The following EIF5B variants were observed in gnomAD, a reference collection of about 807,000 sequenced individuals.
EIF5B encodes eukaryotic translation initiation factor 5B.
EIF5B carries 47 observed loss-of-function variants against 147.5 expected under a neutral mutation model. The observed-to-expected ratio is 0.32, with a 90% CI of 0.25 to 0.41. The LOEUF is 0.41. EIF5B is among the 10% of genes least tolerant of loss of function. The probability of loss-of-function intolerance (pLI) is 1.00; values close to 1 mark genes in which losing one functional copy is unlikely to be tolerated. For missense variants in EIF5B, 1,064 were observed against 1,413.2 expected (o/e 0.75, Z 3.96); for synonymous variants, 455 against 456.2 (o/e 1.00, Z 0.03).
At chr2:99,342,130 A>G (rs367734505) in intron 1 of EIF5B, among the ~76,000 whole-genome samples, 22 of 152,328 alleles carry the variant, frequency 1.4e-4, no homozygotes, top group Middle Eastern at 3.4e-3. Flanking sequence ...TCGTTCATGT[A>G]TGTCTTACAG....
intron 1 of EIF5B, among the ~76,000 whole-genome samples, chr2:99,341,007 T>C (rs1232895336): frequency 6.6e-6 from 1 of 152,140 alleles, no homozygotes; most frequent in Non-Finnish European, 1.5e-5. Flanking sequence ...CAAGTGATCC[T>C]CCCACCCTGG....
At position 99,393,054 on chromosome 2, in the gene EIF5B, C is replaced by T; in HGVS notation, c.2836C>T (p.Pro946Ser). ...CCTGGAGAAAACATTGGCTGGTTTA[C>T]CCCTCCTTGTGGCTTATAAAGAAGA... ...KDLEKTLAGL[P>S]LLVAYKEDEI... Residue 946 changes from proline (P) to serine (S), a missense_variant, in exon 18 of 24, where the codon CCC becomes TCC. Transcript: ENST00000289371. 6.3e-7 allele frequency: 1 copy of T among 1,585,930 alleles called. No individual in the cohort carries two copies. Among genetic ancestry groups the T allele is most frequent in the Non-Finnish European group, 8.6e-7 (1 of 1,166,504 alleles).
At chr2:99,376,868 T>C (rs1428060852) in intron 10 of EIF5B, among the ~76,000 whole-genome samples, 9 of 152,190 alleles carry the variant, frequency 5.9e-5, no homozygotes, top group African/African-American at 1.7e-4. Flanking sequence ...ATTTTTTTCT[T>C]GTTTTCTCCA....
At chr2:99,383,042 GCTTCACAGATAT>G (rs1674725172) in intron 14 of EIF5B, 121 bp downstream of exon 14, 8 of 1,092,774 alleles carry the variant, frequency 7.3e-6, no homozygotes, top group Non-Finnish European at 9.9e-6. Context: ...ACTATATTGT[GCTTCACAGATAT>G]TGTGTGTGTG....
chr2:99,394,109 T>G (rs1277881663), intron 18 of EIF5B, among the ~76,000 whole-genome samples, 158 bp from the exon 19 acceptor site: 2 of 152,230 alleles, frequency 1.3e-5, no homozygotes, highest in Non-Finnish European at 2.9e-5. Context: ...AATCTCCTCC[T>G]TCATTCCAGC....
In EIF5B at chr2:99,337,504, C is replaced by A; in HGVS notation, c.-51C>A. 6.3e-7 allele frequency: 1 copy of A among 1,599,180 alleles called. No homozygotes were observed. The highest frequency in any genetic ancestry group is 8.5e-7 in the Non-Finnish European group (1 of 1,172,988). On this transcript the variant is annotated 5_prime_UTR_variant, in exon 1 of 24. In the 5' UTR this introduces an upstream ATG that the reference lacks. Coordinates refer to ENST00000289371, the MANE Select transcript of EIF5B (RefSeq NM_015904.4). ...CAAAGTCAGCCGGGAGACAGTGGGT[C>A]TGTGAGAGACCGAATAGAGGGGCTG... is the stretch of plus-strand genomic sequence containing the variant.
Position 99,368,395 on chromosome 2 carries a change from T to C in EIF5B, c.1289-98T>C, listed in dbSNP as rs553594103. 3.6e-6 allele frequency: 3 copies of C among 829,694 alleles called. No individual in the cohort carries two copies. In the African/African-American group the frequency reaches 5.2e-5, roughly 14 times the overall value. The allele number at this position is 829,694 out of a possible 1,614,324, so 51.4% of individuals were successfully genotyped here. On this transcript the variant is annotated intron_variant, in intron 6 of 23. Transcript: ENST00000289371. ...GAATATCCTTTCATATTTTAGGGTA[T>C]GTGTCTCTGTGGTGAATGAAATGCT... is the stretch of plus-strand genomic sequence containing the variant.
intron 1 of EIF5B, among the ~76,000 whole-genome samples, chr2:99,345,847 G>A (rs532050268): frequency 6.6e-6 from 1 of 151,918 alleles, no homozygotes; most frequent in South Asian, 2.1e-4. Flanking sequence ...GGAGGCTGAG[G>A]TGGGAGGATT....
At chr2:99,347,122 C>T (rs1186631692) in intron 1 of EIF5B, among the ~76,000 whole-genome samples, 2 of 152,102 alleles carry the variant, frequency 1.3e-5, no homozygotes, top group African/African-American at 4.8e-5. Flanking sequence ...CCTCCCACCT[C>T]AGCCTCCTGA....
chr2:99,366,267 T>C (rs3791213), intron 6 of EIF5B, among the ~76,000 whole-genome samples: 22,393 of 152,194 alleles, frequency 0.15, 1,810 homozygotes, highest in East Asian at 0.26. Context: ...AGTCTGAGAC[T>C]AGAGCAGTAG....
At chr2:99,384,196 C>CAAAAAAAAGA (rs1674751648) in intron 14 of EIF5B, among the ~76,000 whole-genome samples, 1 of 117,510 alleles carries the variant, frequency 8.5e-6, no homozygotes, top group Admixed American at 8.8e-5. Flanking sequence ...GACTCCGTCT[C>CAAAAAAAAGA]AAAAAAAAAA....
intron 6 of EIF5B, among the ~76,000 whole-genome samples, chr2:99,365,520 A>G (rs1247816446): frequency 6.6e-6 from 1 of 152,232 alleles, no homozygotes; most frequent in Non-Finnish European, 1.5e-5. Context: ...TAGCATTCAT[A>G]CATCAGATTT....
At chr2:99,358,747 C>T (rs1185643177) in intron 1 of EIF5B, among the ~76,000 whole-genome samples, 1 of 152,052 alleles carries the variant, frequency 6.6e-6, no homozygotes, top group Non-Finnish European at 1.5e-5. Flanking sequence ...GGTATGTGTA[C>T]CCCTTTTACT....
chr2:99,369,799 A>C (rs184957721), intron 8 of EIF5B, among the ~76,000 whole-genome samples: 2 of 152,086 alleles, frequency 1.3e-5, no homozygotes, highest in East Asian at 3.9e-4. Flanking sequence ...ACACGGTGAA[A>C]CTCCATCTCT....
chr2:99,375,613 G>A (rs1674548860), intron 9 of EIF5B, among the ~76,000 whole-genome samples: 1 of 152,170 alleles, frequency 6.6e-6, no homozygotes, highest in Non-Finnish European at 1.5e-5. Flanking sequence ...GGGGAAAGTG[G>A]TACTAAAGAC....
intron 20 of EIF5B, 56 bp from the exon 21 acceptor site, chr2:99,394,661 CCT>C: frequency 6.2e-7 from 1 of 1,610,280 alleles, no homozygotes; most frequent in Non-Finnish European, 8.5e-7. Context: ...AAAAAACTGT[CCT>C]CTGTGACATA....
chr2:99,396,373 G>A (rs1675047903), intron 21 of EIF5B, among the ~76,000 whole-genome samples: 1 of 152,216 alleles, frequency 6.6e-6, no homozygotes, highest in Admixed American at 6.5e-5. Flanking sequence ...GCCTACATAT[G>A]TGCCTAACGA....
In EIF5B at chr2:99,400,284, T is replaced by C. The variant is rs1325300124; in HGVS notation, c.*870T>C. ...ACATTAATCTTGATCTGTTTTAATC[T>C]TGATCTGTTTTGTCCTAGAAAATTC... On this transcript the variant is annotated 3_prime_UTR_variant, in exon 24 of 24. Coordinates refer to ENST00000289371, the MANE Select transcript of EIF5B (RefSeq NM_015904.4). 6.6e-6 allele frequency: 1 copy of C among 152,072 alleles called. No homozygotes were observed. The highest frequency in any genetic ancestry group is 2.4e-5 in the African/African-American group (1 of 41,318). 9.4% of individuals were successfully genotyped at this position (152,072 alleles called of 1,614,324 possible).
intron 9 of EIF5B, among the ~76,000 whole-genome samples, chr2:99,375,459 C>G (rs72956346): frequency 6.6e-6 from 1 of 152,054 alleles, no homozygotes; most frequent in East Asian, 1.9e-4. Flanking sequence ...GGGTACAGCT[C>G]TTCATGATTG....
Sources: allele counts gnomAD v4.1 joint callset (sites outside exome capture counted in the v4.1 genomes callset), GRCh38; gene constraint gnomAD v4.1.1; transcripts MANE v1.5; gene names NCBI Gene and HGNC (gene_info 2026-07-23, HGNC 2026-07-21).